Variants in NDST4 observed in about 807,000 individuals in gnomAD.
NDST4 encodes N-deacetylase and N-sulfotransferase 4.
In NDST4, 63 loss-of-function variants were observed where a neutral mutation model predicts 100.8. The ratio of observed to expected loss-of-function variants is 0.62; its 90% confidence interval spans 0.51 to 0.77. NDST4 has a LOEUF of 0.77. Among genes scored for constraint, NDST4 ranks in the 30% least tolerant of loss-of-function variants. The probability of loss-of-function intolerance (pLI) is 0.00; values close to 1 mark genes in which losing one functional copy is unlikely to be tolerated. For synonymous variants in NDST4, 377 were observed against 361.8 expected, an observed-to-expected ratio of 1.04 and a Z score of -0.48; for missense variants, 943 against 1,018.4, an observed-to-expected ratio of 0.93 and a Z score of 1.01.
intron 1 of NDST4, among the ~76,000 whole-genome samples, chr4:115,079,788 T>C (rs977187401): frequency 6.6e-6 from 1 of 152,292 alleles, no homozygotes; most frequent in Non-Finnish European, 1.5e-5. Flanking sequence ...TTAGATTACA[T>C]AGTTAAACAT....
chr4:115,085,849 G>T (rs1455183132), intron 1 of NDST4, among the ~76,000 whole-genome samples: 1 of 152,076 alleles, frequency 6.6e-6, no homozygotes, highest in African/African-American at 2.4e-5. Context: ...CAAATTACAG[G>T]TCACCAACAA....
chr4:114,960,836 A>G (rs1182444743), intron 4 of NDST4, among the ~76,000 whole-genome samples: 2 of 152,136 alleles, frequency 1.3e-5, no homozygotes, highest in Non-Finnish European at 2.9e-5. Context: ...GAAAAATGTC[A>G]TAGAAGAAAG....
At chr4:115,005,742 C>T (rs1407441604) in intron 2 of NDST4, among the ~76,000 whole-genome samples, 1 of 151,980 alleles carries the variant, frequency 6.6e-6, no homozygotes, top group Non-Finnish European at 1.5e-5. Context: ...TACAAGTTAG[C>T]TGGATAAGAT....
chr4:115,087,527 C>T (rs1209754594), intron 1 of NDST4, among the ~76,000 whole-genome samples: 1 of 151,452 alleles, frequency 6.6e-6, no homozygotes, highest in East Asian at 1.9e-4. Flanking sequence ...TTTTCCTTGA[C>T]AGTGGATGGT....
intron 2 of NDST4, among the ~76,000 whole-genome samples, chr4:115,013,587 G>C (rs1015231414): frequency 1.3e-5 from 2 of 151,558 alleles, no homozygotes; most frequent in African/African-American, 4.8e-5. Flanking sequence ...TGTTTCTGTG[G>C]TCCACCACTC....
chr4:115,005,643 C>A (rs1160554848), intron 2 of NDST4, among the ~76,000 whole-genome samples: 1 of 152,012 alleles, frequency 6.6e-6, no homozygotes, highest in African/African-American at 2.4e-5. Flanking sequence ...TATATTCAAA[C>A]TAATCTTAGG....
intron 11 of NDST4, 62 bp from the exon 12 acceptor site, chr4:114,833,777 C>A: frequency 2.0e-6 from 2 of 975,970 alleles, no homozygotes; most frequent in South Asian, 1.5e-5. Flanking sequence ...ACTGTGATGC[C>A]TTCCTTTACC....
At chr4:115,090,838 G>A (rs1578514521) in intron 1 of NDST4, among the ~76,000 whole-genome samples, 1 of 151,984 alleles carries the variant, frequency 6.6e-6, no homozygotes, top group Admixed American at 6.6e-5. Flanking sequence ...TGACATCAGC[G>A]AAAGATCAGT....
chr4:115,075,183 C>A (rs994681194), intron 2 of NDST4, among the ~76,000 whole-genome samples: 1 of 152,120 alleles, frequency 6.6e-6, no homozygotes, highest in Non-Finnish European at 1.5e-5. Context: ...TGAAAGCTAC[C>A]TGAGGCTAAT....
intron 2 of NDST4, among the ~76,000 whole-genome samples, chr4:115,038,432 C>A (rs2126272901): frequency 6.6e-6 from 1 of 152,116 alleles, no homozygotes; most frequent in Admixed American, 6.6e-5. Flanking sequence ...AGACTAAATC[C>A]CTCTGGTTTT....
At chr4:115,019,458 T>A (rs1459610379) in intron 2 of NDST4, among the ~76,000 whole-genome samples, 1 of 152,102 alleles carries the variant, frequency 6.6e-6, no homozygotes, top group African/African-American at 2.4e-5. Context: ...ATCAACTGAT[T>A]AGACTTGCCA....
At chr4:115,009,443 C>T (rs1727493524) in intron 2 of NDST4, among the ~76,000 whole-genome samples, 1 of 127,226 alleles carries the variant, frequency 7.9e-6, no homozygotes, top group African/African-American at 3.0e-5. Context: ...GAAAGGATTC[C>T]CTATTTAACA....
chr4:114,986,830 A>ATATATTTATTTATTTATT (rs1553959396), intron 2 of NDST4, among the ~76,000 whole-genome samples: 6 of 91,966 alleles, frequency 6.5e-5, no homozygotes, highest in African/African-American at 1.7e-4. Flanking sequence ...ATATATATAT[A>ATATATTTATTTATTTATT]TATTTTAATA....
At chr4:115,052,314 CT>C (rs1336054390) in intron 2 of NDST4, among the ~76,000 whole-genome samples, 2 of 152,108 alleles carry the variant, frequency 1.3e-5, no homozygotes, top group Non-Finnish European at 2.9e-5. Context: ...ACTCCTAAAA[CT>C]TTTTTACTTT....
intron 6 of NDST4, among the ~76,000 whole-genome samples, chr4:114,928,955 T>C (rs1261347997): frequency 6.6e-6 from 1 of 151,972 alleles, no homozygotes; most frequent in African/African-American, 2.4e-5. Flanking sequence ...TCTTGGGTCT[T>C]GACAGCCCTC....
At chr4:115,030,833 A>G (rs1728098677) in intron 2 of NDST4, among the ~76,000 whole-genome samples, 1 of 152,104 alleles carries the variant, frequency 6.6e-6, no homozygotes, top group Non-Finnish European at 1.5e-5. Flanking sequence ...TCTATCGAGA[A>G]TAGTGTTACA....
chr4:114,892,793 T>C (rs942649266), intron 6 of NDST4, among the ~76,000 whole-genome samples: 3 of 151,782 alleles, frequency 2.0e-5, no homozygotes, highest in African/African-American at 7.3e-5. Context: ...TTATTTCTTC[T>C]TCTTAAAAAA....
At chr4:114,898,894 C>T (rs1724773244) in intron 6 of NDST4, among the ~76,000 whole-genome samples, 1 of 151,918 alleles carries the variant, frequency 6.6e-6, no homozygotes, top group Non-Finnish European at 1.5e-5. Context: ...CCTATATTCA[C>T]TTATTATTTC....
intron 2 of NDST4, among the ~76,000 whole-genome samples, chr4:115,001,123 T>C (rs1342345989): frequency 6.6e-6 from 1 of 152,118 alleles, no homozygotes; most frequent in Non-Finnish European, 1.5e-5. Context: ...GACACAAACA[T>C]TCAGACCATA....
Sources: gnomAD v4.1 joint callset for allele counts (sites outside exome capture counted in the v4.1 genomes callset) on GRCh38, gnomAD v4.1.1 for gene constraint, MANE v1.5 for transcripts, NCBI Gene and HGNC (gene_info 2026-07-23, HGNC 2026-07-21) for gene names.